KIF26A: variants seen among roughly 807,000 people sequenced by gnomAD.
The protein encoded by KIF26A is kinesin family member 26A.
KIF26A carries 74 observed loss-of-function variants against 126.0 expected under a neutral mutation model. The observed-to-expected ratio is 0.59, with a 90% CI of 0.49 to 0.71. KIF26A has a LOEUF of 0.71. Among genes scored for constraint, KIF26A ranks in the 30% least tolerant of loss-of-function variants. KIF26A has a pLI of 0.00. For synonymous variants in KIF26A, 1,445 were observed against 1,232.7 expected (o/e 1.17, Z -3.61); for missense variants, 2,984 against 2,763.3 (o/e 1.08, Z -1.79).
At position 104,174,187 on chromosome 14, in the gene KIF26A, C is replaced by T; in HGVS notation, c.2070C>T (p.Ala690=). 1.3e-6 allele frequency: 2 copies of T among 1,589,518 alleles called. No homozygotes were observed. Among genetic ancestry groups the T allele is most frequent in the East Asian group, 2.3e-5 (1 of 43,644 alleles). The change falls in exon 11 of 15, where the codon GCC becomes GCT. Residue 690 remains alanine (A), a synonymous_variant. Transcript: ENST00000423312. ...CCATGCTGCTGCGTGAATCCCTGGCCACCGCTGGCTGCCGCACCACCATGA... is the reference window on the plus strand; with the variant it reads ...CCATGCTGCTGCGTGAATCCCTGGCTACCGCTGGCTGCCGCACCACCATGA... ...RLTMLLRESL[A]TAGCRTTMIA... is the part of the protein sequence containing the mutation.
In KIF26A at chr14:104,173,400, C is replaced by T. The variant is rs756948957; in HGVS notation, c.1754C>T (p.Ala585Val). The T allele has an allele frequency of 6.3e-6, 10 of 1,582,860 alleles. No individual in the cohort carries two copies. Among genetic ancestry groups the T allele is most frequent in the Non-Finnish European group, 8.6e-6 (10 of 1,165,878 alleles). The change falls in exon 9 of 15, where the codon GCG becomes GTG. Residue 585 changes from alanine (A) to valine (V), a missense_variant. By Grantham distance (64) the Ala-to-Val change is moderately conservative. Transcript: ENST00000423312. ...GCTTTCTACCTGGATGCGGCCCTGG[C>T]GGCCCGCAGCACCAGCCGAGCGGGC... ...KAAFYLDAALAARSTSRAGCG... is the reference protein window; with the variant it reads ...KAAFYLDAALVARSTSRAGCG...
At chr14:104,161,599 C>G (rs1300389602) in intron 4 of KIF26A, among the ~76,000 whole-genome samples, 1 of 152,250 alleles carries the variant, frequency 6.6e-6, no homozygotes, top group Non-Finnish European at 1.5e-5. Context: ...CCTGGTGGCT[C>G]TGGGGGCCGT....
chr14:104,166,309 C>T (rs1263613801), intron 4 of KIF26A, among the ~76,000 whole-genome samples: 4 of 152,104 alleles, frequency 2.6e-5, no homozygotes, highest in Non-Finnish European at 5.9e-5. Context: ...TTAATTGAGC[C>T]CTTCCTGTAT....
Position 104,139,267 on chromosome 14 carries a change from C to G in KIF26A, c.267C>G (p.Ser89Arg). 2 of 1,530,170 alleles carry G rather than the reference C, an allele frequency of 1.3e-6. No homozygotes were observed. Among genetic ancestry groups the G allele is most frequent in the East Asian group, 5.0e-5 (2 of 39,898 alleles). The allele number at this position is 1,530,170 out of a possible 1,614,324, so 94.8% of individuals were successfully genotyped here. ...AGCGACAGGCGTGGAAGCTGGTCAG[C>G]GGGCCCGGGACCACCCTCCGGGTAA... ...ELKRQAWKLV[S>R]GPGTTLRDPC... is the part of the protein sequence containing the mutation. Residue 89 changes from serine (S) to arginine (R), a missense_variant, in exon 2 of 15, where the codon AGC becomes AGG. Coordinates refer to ENST00000423312, the MANE Select transcript of KIF26A (RefSeq NM_015656.2).
intron 2 of KIF26A, among the ~76,000 whole-genome samples, chr14:104,146,711 C>T (rs1339307065): frequency 1.3e-5 from 2 of 152,154 alleles, no homozygotes; most frequent in Admixed American, 1.3e-4. Context: ...ATCCGGACGG[C>T]TCCTGGGGCG....
At chr14:104,156,653 G>A (rs931392979) in intron 3 of KIF26A, among the ~76,000 whole-genome samples, 2 of 152,148 alleles carry the variant, frequency 1.3e-5, no homozygotes, top group Non-Finnish European at 2.9e-5. Context: ...CCTCCATGGT[G>A]GTGAGGAGGG....
intron 2 of KIF26A, among the ~76,000 whole-genome samples, chr14:104,144,772 T>G (rs901646984): frequency 2.0e-5 from 3 of 152,266 alleles, no homozygotes; most frequent in Non-Finnish European, 4.4e-5. Context: ...TAGCTTATAT[T>G]TTGTAGTTCC....
At chr14:104,153,423 G>A (rs1454624669) in intron 3 of KIF26A, among the ~76,000 whole-genome samples, 2 of 151,848 alleles carry the variant, frequency 1.3e-5, no homozygotes, top group Non-Finnish European at 2.9e-5. Flanking sequence ...TGGTGAGGCC[G>A]AGGAGAGGGA....
intron 2 of KIF26A, among the ~76,000 whole-genome samples, chr14:104,146,818 A>T (rs186608886): frequency 6.6e-6 from 1 of 152,102 alleles, no homozygotes; most frequent in Non-Finnish European, 1.5e-5. Flanking sequence ...GCTGGAGCTC[A>T]CGTGGAGACC....
At chr14:104,165,625 ATG>A (rs533755654) in intron 4 of KIF26A, among the ~76,000 whole-genome samples, 54 of 130,396 alleles carry the variant, frequency 4.1e-4, no homozygotes, top group South Asian at 2.8e-3. Flanking sequence ...CTCTGTATGC[ATG>A]TGTGTGTCTG....
At chr14:104,158,325 A>C (rs1566858481) in intron 4 of KIF26A, among the ~76,000 whole-genome samples, 1 of 152,232 alleles carries the variant, frequency 6.6e-6, no homozygotes, top group Non-Finnish European at 1.5e-5. Flanking sequence ...CTGTGACTGC[A>C]GCAAGAAAAT....
Position 104,161,018 on chromosome 14 carries a change from G to A in KIF26A, c.923+3076G>A, listed in dbSNP as rs569049621. Among the ~76,000 whole-genome samples, 9 of 120,906 alleles carry A rather than the reference G, an allele frequency of 7.4e-5. No individual in the cohort carries two copies. In the East Asian group the frequency reaches 1.3e-3, roughly 17 times the overall value. 79.3% of individuals were successfully genotyped at this position (120,906 alleles called of 152,430 possible). On this transcript the variant is annotated intron_variant, in intron 4 of 14. Coordinates refer to ENST00000423312, the MANE Select transcript of KIF26A (RefSeq NM_015656.2). The stretch of plus-strand genomic sequence containing the variant: ...CACCCAGCAGAAGTGCAGCGCCTGC[G>A]GGGAGAGTGCGCTGCCCGAGGCTTA...
chr14:104,178,998 A>G (rs1203682626), intron 13 of KIF26A, among the ~76,000 whole-genome samples: 2 of 152,248 alleles, frequency 1.3e-5, no homozygotes, highest in Admixed American at 1.3e-4. Flanking sequence ...TCCTGAGGCC[A>G]CTGCTGCTGT....
At position 104,173,352 on chromosome 14, in the gene KIF26A, G is replaced by T; in HGVS notation, c.1706G>T (p.Arg569Leu). 1 of 1,603,018 alleles carries T rather than the reference G, an allele frequency of 6.2e-7. No individual in the cohort carries two copies. The highest frequency in any genetic ancestry group is 2.3e-5 in the East Asian group (1 of 44,402). Residue 569 changes from arginine to leucine, a missense_variant, in exon 9 of 15, where the codon CGG becomes CTG. Transcript: ENST00000423312. ...CAGCTCCAGAACCAAAGCGAGCTGC[G>T]GGCACCCACGGCCGAGAAGGCGGCT... ...GAQLQNQSEL[R>L]APTAEKAAFY...
chr14:104,164,756 TGC>T (rs113516873), intron 4 of KIF26A, among the ~76,000 whole-genome samples: 8,980 of 148,706 alleles, frequency 0.06, 281 homozygotes, highest in African/African-American at 0.08. Flanking sequence ...TCTGTGTGTG[TGC>T]GCGTGTCTGT....
At chr14:104,140,042 G>GGAAGCCCGCTGCC (rs2037622937) in intron 2 of KIF26A, among the ~76,000 whole-genome samples, 1 of 151,798 alleles carries the variant, frequency 6.6e-6, no homozygotes, top group South Asian at 2.1e-4. Flanking sequence ...GGTCTCCAGA[G>GGAAGCCCGCTGCC]GAAGCCCGCT....
intron 4 of KIF26A, among the ~76,000 whole-genome samples, chr14:104,165,333 CTG>C (rs376560899): frequency 0.013 from 1,842 of 139,714 alleles, 87 homozygotes; most frequent in African/African-American, 0.05. Context: ...ATGTGTGCGT[CTG>C]TGTGTCTGTA....
In KIF26A at chr14:104,175,533, C is replaced by T; in HGVS notation, c.2745C>T (p.Cys915=). The T allele has an allele frequency of 6.2e-7, 1 of 1,601,796 alleles. No homozygotes were observed. Among genetic ancestry groups the T allele is most frequent in the East Asian group, 2.2e-5 (1 of 44,840 alleles). Residue 915 remains cysteine (C), a synonymous_variant, in exon 12 of 15, where the codon TGC becomes TGT. Coordinates refer to ENST00000423312, the MANE Select transcript of KIF26A (RefSeq NM_015656.2). ...CCCACCAGGGTACCCCTGAGCCCTG[C>T]AAGGCCATTGTCTGGGGTGACCAGA... ...PDTHQGTPEP[C]KAIVWGDQRE...
intron 2 of KIF26A, among the ~76,000 whole-genome samples, chr14:104,144,919 G>C (rs1033848693): frequency 6.6e-6 from 1 of 152,238 alleles, no homozygotes; most frequent in Non-Finnish European, 1.5e-5. Context: ...AGCTTGTGCT[G>C]TTGGGGGGAG....
Sources: gnomAD v4.1 joint callset for allele counts (sites outside exome capture counted in the v4.1 genomes callset) on GRCh38, gnomAD v4.1.1 for gene constraint, MANE v1.5 for transcripts, NCBI Gene and HGNC (gene_info 2026-07-23, HGNC 2026-07-21) for gene names.